The following TBCE variants were observed in gnomAD, a reference collection of about 807,000 sequenced individuals.
The protein encoded by TBCE is tubulin-specific chaperone E.
Under a neutral mutation model 77.0 loss-of-function variants are expected in TBCE, and 53 were observed. That is an observed-to-expected ratio of 0.69 (90% confidence interval 0.55 to 0.87). The LOEUF (loss-of-function observed/expected upper bound fraction) is 0.87. Among genes scored for constraint, TBCE ranks in the 40% least tolerant of loss-of-function variants. The pLI, the probability that TBCE is intolerant of heterozygous loss-of-function variation, is 0.00. For missense variants in TBCE, 624 were observed against 622.4 expected (o/e 1.00, Z -0.03); for synonymous variants, 235 against 241.3 (o/e 0.97, Z 0.24).
chr1:235,402,586 G>T (rs192157006), intron 3 of TBCE, among the ~76,000 whole-genome samples: 1 of 152,158 alleles, frequency 6.6e-6, no homozygotes, highest in East Asian at 1.9e-4. Flanking sequence ...TGGAAATCAG[G>T]GGGCCTCTAG....
At chr1:235,422,006 C>T (rs912240653) in intron 5 of TBCE, among the ~76,000 whole-genome samples, 1 of 152,198 alleles carries the variant, frequency 6.6e-6, no homozygotes, top group South Asian at 2.1e-4. Flanking sequence ...GGTAGCTGCA[C>T]AGGTCTCTGC....
intron 1 of TBCE, among the ~76,000 whole-genome samples, chr1:235,372,446 T>A (rs1572303146): frequency 6.6e-6 from 1 of 152,342 alleles, no homozygotes; most frequent in South Asian, 2.1e-4. Context: ...AAATCAAAGC[T>A]GTTTTTAGCT....
chr1:235,441,671 A>T, intron 13 of TBCE, 143 bp from the exon 14 acceptor site: 1 of 708,914 alleles, frequency 1.4e-6, no homozygotes, highest in Non-Finnish European at 2.4e-6. Context: ...CCTAAAAATC[A>T]CACTGAATAA....
chr1:235,396,840 TC>T (rs1216255629), intron 2 of TBCE, among the ~76,000 whole-genome samples: 2 of 152,302 alleles, frequency 1.3e-5, no homozygotes, highest in African/African-American at 4.8e-5. Flanking sequence ...TAGATGTTTT[TC>T]CCATTGAATT....
Position 235,370,544 on chromosome 1 carries a change from C to CA in TBCE, c.-32+3040_-32+3041insA, listed in dbSNP as rs1478170111. Among the ~76,000 whole-genome samples the CA allele has an allele frequency of 2.7e-5, 4 of 146,210 alleles. No individual in the cohort carries two copies. The East Asian group carries it at 7.7e-4, about 28-fold the overall frequency. On this transcript the variant is annotated intron_variant, in intron 1 of 16. Transcript: ENST00000642610. ...GGGATTACAGGCGTGAGCCACTGCA[C>CA]CCGGCATTTTTTTTTTTTTTTTGGG...
chr1:235,416,331 G>A (rs1680111211), intron 4 of TBCE, among the ~76,000 whole-genome samples: 1 of 151,624 alleles, frequency 6.6e-6, no homozygotes, highest in Admixed American at 6.6e-5. Flanking sequence ...GGGCAACATG[G>A]CAAAACCCTG....
chr1:235,370,266 T>C (rs1485960810), intron 1 of TBCE, among the ~76,000 whole-genome samples: 2 of 151,518 alleles, frequency 1.3e-5, no homozygotes, highest in Non-Finnish European at 2.9e-5. Context: ...TTTTTTTTTT[T>C]TTTCTGAGAC....
intron 6 of TBCE, chr1:235,429,155 C>G (rs952882523): frequency 1.3e-5 from 2 of 151,444 alleles, no homozygotes; most frequent in African/African-American, 4.9e-5. Context: ...CTGCCAGCTA[C>G]TTTTTGTATT....
chr1:235,417,284 C>A (rs139588507), intron 4 of TBCE, among the ~76,000 whole-genome samples: 12 of 152,234 alleles, frequency 7.9e-5, no homozygotes, highest in Admixed American at 7.9e-4. Flanking sequence ...GGGGAAGGAG[C>A]GACATCTGTC....
chr1:235,422,568 G>T (rs898786538), intron 5 of TBCE, among the ~76,000 whole-genome samples: 34 of 151,522 alleles, frequency 2.2e-4, no homozygotes, highest in Admixed American at 7.2e-4. Flanking sequence ...GGTGGCTCAC[G>T]CCTGTAATTC....
intron 15 of TBCE, among the ~76,000 whole-genome samples, chr1:235,447,638 G>C (rs769131445): frequency 6.6e-6 from 1 of 152,206 alleles, no homozygotes; most frequent in African/African-American, 2.4e-5. Context: ...CAGGATACCT[G>C]AGTCCCATTC....
chr1:235,379,446 T>C (rs182833156), intron 1 of TBCE, among the ~76,000 whole-genome samples: 213 of 152,150 alleles, frequency 1.4e-3, no homozygotes, highest in Non-Finnish European at 2.3e-3. Flanking sequence ...GGGAATTGCT[T>C]GAACCAGGGA....
intron 3 of TBCE, among the ~76,000 whole-genome samples, chr1:235,413,672 AAAG>A (rs1324501621): frequency 1.3e-5 from 2 of 151,782 alleles, no homozygotes; most frequent in African/African-American, 2.4e-5. Flanking sequence ...CAAAAAAAAA[AAAG>A]AAAAAAAGTA....
intron 2 of TBCE, among the ~76,000 whole-genome samples, chr1:235,384,636 T>G (rs1424108422): frequency 6.6e-6 from 1 of 151,304 alleles, no homozygotes. Flanking sequence ...GATGGTAGTT[T>G]GTATTTCTGT....
Position 235,435,823 on chromosome 1 carries a change from G to A in TBCE, c.816G>A (p.Leu272=). The change falls in exon 9 of 17, where the codon CTG becomes CTA. Residue 272 remains leucine, a synonymous_variant. Coordinates refer to ENST00000642610, the MANE Select transcript of TBCE (RefSeq NM_003193.5). ...NQLIDENQLY[L]IAHLPRLEQL... ...TAATTGATGAAAATCAGCTGTATCT[G>A]ATAGCCCACCTGCCCAGGTAATTTG... is the stretch of plus-strand genomic sequence containing the variant. 6.2e-7 allele frequency: 1 copy of A among 1,614,126 alleles called. No homozygotes were observed. The highest frequency in any genetic ancestry group is 8.5e-7 in the Non-Finnish European group (1 of 1,180,000).
chr1:235,426,873 G>A (rs911106070), intron 5 of TBCE, among the ~76,000 whole-genome samples: 1 of 152,196 alleles, frequency 6.6e-6, no homozygotes, highest in African/African-American at 2.4e-5. Flanking sequence ...TTGAACTCCT[G>A]ACCTCAAGTG....
chr1:235,427,118 G>A (rs1381221328), intron 5 of TBCE, 22 bp from the exon 6 acceptor site: 1 of 1,513,284 alleles, frequency 6.6e-7, no homozygotes. Context: ...TGAAATTACT[G>A]TTTCTTAACA....
intron 3 of TBCE, among the ~76,000 whole-genome samples, chr1:235,412,888 C>T (rs1295487127): frequency 6.6e-6 from 1 of 152,200 alleles, no homozygotes; most frequent in Non-Finnish European, 1.5e-5. Flanking sequence ...ACCGCAACCT[C>T]TGCCTCCCGG....
chr1:235,391,765 C>T (rs1223251878), intron 2 of TBCE, among the ~76,000 whole-genome samples: 1 of 151,480 alleles, frequency 6.6e-6, no homozygotes, highest in Non-Finnish European at 1.5e-5. Flanking sequence ...CACCACTATG[C>T]CCAGCTAATT....
Sources: gnomAD v4.1 joint callset for allele counts (sites outside exome capture counted in the v4.1 genomes callset) on GRCh38, gnomAD v4.1.1 for gene constraint, MANE v1.5 for transcripts, NCBI Gene and HGNC (gene_info 2026-07-23, HGNC 2026-07-21) for gene names.